The following ANP32B variants were observed in gnomAD, a reference collection of about 807,000 sequenced individuals.
The protein encoded by ANP32B is acidic leucine-rich nuclear phosphoprotein 32 family member B.
A neutral mutation model predicts 32.2 loss-of-function variants in ANP32B; 6 were observed. The observed-to-expected ratio is 0.19, with a 90% CI of 0.10 to 0.37. The LOEUF is 0.37. Ranked by LOEUF, ANP32B falls within the 10% of genes least tolerant of loss-of-function variation. The pLI, the probability that ANP32B is intolerant of heterozygous loss-of-function variation, is 1.00. For synonymous variants in ANP32B, 98 were observed against 105.8 expected, an observed-to-expected ratio of 0.93 and a Z score of 0.45; for missense variants, 204 against 289.2, an observed-to-expected ratio of 0.71 and a Z score of 2.14.
At chr9:97,991,075 G>A (rs1239711307) in intron 1 of ANP32B, among the ~76,000 whole-genome samples, 1 of 151,258 alleles carries the variant, frequency 6.6e-6, no homozygotes, top group East Asian at 1.9e-4. Context: ...GCCCGCCTCA[G>A]CCTCCCAAAG....
At chr9:98,013,773 C>G (rs895620897) in intron 6 of ANP32B, among the ~76,000 whole-genome samples, 1 of 151,846 alleles carries the variant, frequency 6.6e-6, no homozygotes, top group African/African-American at 2.4e-5. Flanking sequence ...GTGGCACGCA[C>G]TCAAACCCAG....
chr9:97,998,239 G>A (rs746051580), intron 2 of ANP32B, among the ~76,000 whole-genome samples: 8 of 152,188 alleles, frequency 5.3e-5, no homozygotes, highest in Admixed American at 1.3e-4. Flanking sequence ...CAGGTATAGG[G>A]TATTACAACT....
chr9:97,983,537 GA>G lies in ANP32B; in HGVS notation c.-18del, dbSNP rs1827633247. ...CCCGCCGCGGAAAGTTAAGTTTGAA[GA>G]GGGGGGAAGAGGGGAACATGGACAT... On this transcript the variant is annotated 5_prime_UTR_variant, in exon 1 of 7. Coordinates refer to ENST00000339399, the MANE Select transcript of ANP32B (RefSeq NM_006401.3). 1 of 1,563,992 alleles carries G rather than the reference GA, an allele frequency of 6.4e-7. No individual in the cohort carries two copies. Among genetic ancestry groups the G allele is most frequent in the African/African-American group, 1.4e-5 (1 of 72,520 alleles).
intron 1 of ANP32B, among the ~76,000 whole-genome samples, chr9:97,984,075 T>G (rs1827652856): frequency 1.4e-5 from 2 of 147,836 alleles, no homozygotes; most frequent in African/African-American, 2.5e-5. Context: ...GGGGCGCGGG[T>G]GGGGCGGGAC....
rs558810708 is a variant in ANP32B, at chr9:97,985,818, T to G, written c.54+2209T>G. Among the ~76,000 whole-genome samples the G allele has an allele frequency of 2.0e-4, 30 of 152,226 alleles. 1 individual carries two copies. The South Asian group carries it at 6.2e-3, about 32-fold the overall frequency. On this transcript the variant is annotated intron_variant, in intron 1 of 6. Coordinates refer to ENST00000339399, the MANE Select transcript of ANP32B (RefSeq NM_006401.3). ...TATATCTACAGGTGTTCATTTTTCT[T>G]TTTTCTGTTTTTCTTTTTTTTTTGA...
At chr9:98,006,539 G>A (rs531839780) in intron 4 of ANP32B, among the ~76,000 whole-genome samples, 10 of 152,342 alleles carry the variant, frequency 6.6e-5, no homozygotes, top group Non-Finnish European at 1.3e-4. Flanking sequence ...TGAGACAGCA[G>A]AAGACAAGAC....
intron 4 of ANP32B, among the ~76,000 whole-genome samples, chr9:98,006,257 T>G (rs1828080364): frequency 6.6e-6 from 1 of 152,214 alleles, no homozygotes; most frequent in African/African-American, 2.4e-5. Flanking sequence ...AGTGACAAGC[T>G]GCATCTGGTG....
At chr9:98,001,434 C>T (rs974580482) in intron 3 of ANP32B, among the ~76,000 whole-genome samples, 8 of 152,112 alleles carry the variant, frequency 5.3e-5, no homozygotes, top group South Asian at 4.1e-4. Flanking sequence ...GCTCGTGATC[C>T]GCCTGCCTCA....
chr9:97,987,849 T>C (rs2131580499), intron 1 of ANP32B, among the ~76,000 whole-genome samples: 1 of 152,334 alleles, frequency 6.6e-6, no homozygotes, highest in South Asian at 2.1e-4. Context: ...ACCTCTTTTG[T>C]TGTGTCTACT....
chr9:97,995,605 A>G (rs1173027393), intron 2 of ANP32B, among the ~76,000 whole-genome samples: 3 of 152,210 alleles, frequency 2.0e-5, no homozygotes, highest in Admixed American at 2.0e-4. Flanking sequence ...TTGTGGTTTT[A>G]CAGCAGGTGG....
chr9:98,005,227 C>A, intron 4 of ANP32B, 74 bp downstream of exon 4: 1 of 1,464,878 alleles, frequency 6.8e-7, no homozygotes, highest in Non-Finnish European at 9.3e-7. Context: ...TGGATGTTGG[C>A]CGGGCGCAGT....
chr9:97,994,340 G>T (rs560926139), intron 1 of ANP32B, among the ~76,000 whole-genome samples: 1 of 152,332 alleles, frequency 6.6e-6, no homozygotes, highest in Non-Finnish European at 1.5e-5. Flanking sequence ...GAAATAAGGG[G>T]AATACGCTTA....
intron 1 of ANP32B, among the ~76,000 whole-genome samples, chr9:97,990,369 G>C (rs186202675): frequency 7.9e-5 from 12 of 152,346 alleles, no homozygotes; most frequent in Admixed American, 5.9e-4. Flanking sequence ...CTTGAAGTTG[G>C]CTGATGGAAC....
intron 2 of ANP32B, among the ~76,000 whole-genome samples, chr9:97,996,185 C>T (rs963895348): frequency 2.6e-4 from 39 of 152,190 alleles, no homozygotes; most frequent in African/African-American, 8.7e-4. Flanking sequence ...CATAGTATAG[C>T]TTTTTAGCAT....
At chr9:98,014,188 A>G (rs1260589111) in intron 6 of ANP32B, among the ~76,000 whole-genome samples, 5 of 152,128 alleles carry the variant, frequency 3.3e-5, no homozygotes. Context: ...CGGGTGGATC[A>G]TGAGGTCAGG....
chr9:98,007,059 C>G (rs933237146), intron 4 of ANP32B, among the ~76,000 whole-genome samples: 1 of 151,900 alleles, frequency 6.6e-6, no homozygotes, highest in African/African-American at 2.4e-5. Flanking sequence ...AAAAGACAAG[C>G]CTTTGGAGTT....
At chr9:97,986,578 A>G (rs1465860392) in intron 1 of ANP32B, 2 of 152,286 alleles carry the variant, frequency 1.3e-5, no homozygotes, top group African/African-American at 4.8e-5. Flanking sequence ...CAGAGGCGTC[A>G]TCCTTAAGGC....
In ANP32B at chr9:97,983,617, G is replaced by A. The variant is rs1228866484; in HGVS notation, c.54+8G>A. 26 of 1,568,770 alleles carry A rather than the reference G, an allele frequency of 1.7e-5. No homozygotes were observed. Among genetic ancestry groups the A allele is most frequent in the Non-Finnish European group, 2.0e-5 (23 of 1,158,332 alleles). On this transcript the variant is annotated splice_region_variant and intron_variant, in intron 1 of 6. Transcript: ENST00000339399. ...AACCGGACCCCGGCAGCTGTAAGCAGAGACCCCTCTGGGTGCCCTCTCCCC... is the reference window on the plus strand; with the variant it reads ...AACCGGACCCCGGCAGCTGTAAGCAAAGACCCCTCTGGGTGCCCTCTCCCC...
At chr9:97,989,720 T>C (rs1827792848) in intron 1 of ANP32B, among the ~76,000 whole-genome samples, 1 of 152,138 alleles carries the variant, frequency 6.6e-6, no homozygotes, top group Admixed American at 6.6e-5. Context: ...ACTACACTCT[T>C]CCAAAGCTGT....
Sources: gnomAD v4.1 joint callset for allele counts (sites outside exome capture counted in the v4.1 genomes callset) on GRCh38, gnomAD v4.1.1 for gene constraint, MANE v1.5 for transcripts, NCBI Gene and HGNC (gene_info 2026-07-23, HGNC 2026-07-21) for gene names.